CHST5: variants seen among roughly 807,000 people sequenced by gnomAD.
CHST5 encodes the protein GST4-alpha.
For missense variants in CHST5, 637 were observed against 602.1 expected, an observed-to-expected ratio of 1.06 and a Z score of -0.61; for synonymous variants, 313 against 279.2, an observed-to-expected ratio of 1.12 and a Z score of -1.21.
chr16:75,529,471 T>C lies in CHST5; in HGVS notation c.914A>G (p.Glu305Gly), dbSNP rs746942839. ...FEDLAREPLA[E>G]IRALYAFTGL... ...GGTGAAGGCGTAGAGTGCGCGGATC[T>C]CTGCCAGCGGCTCCCGCGCCAGGTC... Residue 305 changes from glutamate (E) to glycine (G), a missense_variant, in exon 4 of 4, where the codon GAG becomes GGG. Glu to Gly is a moderately conservative substitution (Grantham distance 98, BLOSUM62 -2). Coordinates refer to ENST00000336257, the MANE Select transcript of CHST5 (RefSeq NM_024533.5). 1.9e-6 allele frequency: 3 copies of C among 1,612,504 alleles called. No individual in the cohort carries two copies. The East Asian group carries it at 6.7e-5, about 36-fold the overall frequency.
In CHST5 at chr16:75,530,585, T is replaced by C. The variant is rs1199438148; in HGVS notation, c.-201A>G. 2.3e-5 allele frequency: 33 copies of C among 1,424,112 alleles called. No individual in the cohort carries two copies. The highest frequency in any genetic ancestry group is 2.6e-4 in the Middle Eastern group (1 of 3,860). The allele number at this position is 1,424,112 out of a possible 1,614,324, so 88.2% of individuals were successfully genotyped here. On this transcript the variant is annotated 5_prime_UTR_variant, in exon 4 of 4. Coordinates refer to ENST00000336257, the MANE Select transcript of CHST5 (RefSeq NM_024533.5). The stretch of plus-strand genomic sequence containing the variant: ...TAATGTGGGATATCATCAAACTGTC[T>C]ACCTACCCACCCACCCACCTACTTA...
chr16:75,534,167 G>A (rs1018215509), intron 2 of CHST5, among the ~76,000 whole-genome samples: 7 of 151,964 alleles, frequency 4.6e-5, no homozygotes, highest in Admixed American at 4.6e-4. Context: ...TGGCCAACAT[G>A]GTGAAACCCC....
Position 75,530,858 on chromosome 16 carries a change from C to A in CHST5, c.-474G>T. The A allele has an allele frequency of 1.0e-6, 1 of 995,440 alleles. No homozygotes were observed. The highest frequency in any genetic ancestry group is 1.2e-6 in the Non-Finnish European group (1 of 824,642). The allele number at this position is 995,440 out of a possible 1,614,324, so 61.7% of individuals were successfully genotyped here. On this transcript the variant is annotated 5_prime_UTR_variant, in exon 4 of 4. Coordinates refer to ENST00000336257, the MANE Select transcript of CHST5 (RefSeq NM_024533.5). ...TCTCTCTGTGACGGATCACTTTACCCGTGTGTGAAAGAGGGATAATTCCGG... is the reference window on the plus strand; with the variant it reads ...TCTCTCTGTGACGGATCACTTTACCAGTGTGTGAAAGAGGGATAATTCCGG...
At chr16:75,535,549 A>C (rs898995896) in intron 1 of CHST5, among the ~76,000 whole-genome samples, 140 bp from the exon 2 acceptor site, 1 of 152,206 alleles carries the variant, frequency 6.6e-6, no homozygotes, top group African/African-American at 2.4e-5. Context: ...CGCGCCGGCC[A>C]ACAACCCTCG....
At chr16:75,532,506 G>T (rs2080532054) in intron 3 of CHST5, among the ~76,000 whole-genome samples, 1 of 152,144 alleles carries the variant, frequency 6.6e-6, no homozygotes, top group East Asian at 1.9e-4. Flanking sequence ...AGAAGCCAGG[G>T]TCTAACTTGT....
In CHST5 at chr16:75,529,626, CTTGCCG is replaced by C; in HGVS notation, c.753_758del (p.Asn251_Gly252del). ...GCAGGTGAGGGTCGGCCTCCACCCA[CTTGCCG>C]TTGGTGCCCAGCACGATGCCGTTGT... is the stretch of plus-strand genomic sequence containing the variant. On this transcript the variant is annotated inframe_deletion, in exon 4 of 4. Transcript: ENST00000336257. 6.2e-7 allele frequency: 1 copy of C among 1,611,204 alleles called. No homozygotes were observed. The highest frequency in any genetic ancestry group is 2.2e-5 in the East Asian group (1 of 44,818).
chr16:75,533,006 C>G (rs1443605766), intron 3 of CHST5, 83 bp downstream of exon 3: 5 of 636,706 alleles, frequency 7.9e-6, no homozygotes, highest in Admixed American at 2.4e-5. Flanking sequence ...CCCTGCTGCT[C>G]TGGCCCAAAC....
intron 1 of CHST5, among the ~76,000 whole-genome samples, 105 bp downstream of exon 1, chr16:75,535,939 A>C (rs2080558343): frequency 6.6e-6 from 1 of 152,190 alleles, no homozygotes; most frequent in South Asian, 2.1e-4. Flanking sequence ...GTCGAATCTT[A>C]ATCTTGGCCC....
rs2080503770 is a variant in CHST5 at position 75,530,165 on chromosome 16, C to A, written c.220G>T (p.Gly74Cys). Residue 74 changes from glycine to cysteine, a missense_variant, in exon 4 of 4, where the codon GGC (glycine) becomes TGC (cysteine). By Grantham distance (159) the Gly-to-Cys change is radical. Coordinates refer to ENST00000336257, the MANE Select transcript of CHST5 (RefSeq NM_024533.5). ...HVLVLSSWRS[G>C]SSFLGQLFSQ... ...AAGAGCTGGCCCAAGAAGGATGAGCCCGAGCGCCACGAGGACAGCACCAGC... is the reference window on the plus strand; with the variant it reads ...AAGAGCTGGCCCAAGAAGGATGAGCACGAGCGCCACGAGGACAGCACCAGC... 6.2e-7 allele frequency: 1 copy of A among 1,613,598 alleles called. No individual in the cohort carries two copies.
At chr16:75,534,726 T>G (rs746411427) in intron 2 of CHST5, among the ~76,000 whole-genome samples, 2 of 152,188 alleles carry the variant, frequency 1.3e-5, no homozygotes, top group African/African-American at 2.4e-5. Flanking sequence ...TCCTAAAGCC[T>G]AACATCAAGG....
chr16:75,531,389 C>A lies in CHST5; in HGVS notation c.-1005G>T. 4 of 1,068,948 alleles carry A rather than the reference C, an allele frequency of 3.7e-6. No homozygotes were observed. Among genetic ancestry groups the A allele is most frequent in the Admixed American group, 5.1e-5 (1 of 19,598 alleles). 66.2% of individuals were successfully genotyped at this position (1,068,948 alleles called of 1,614,324 possible). ...AAGATAAACAAGTAAATAAAGTGGA[C>A]AAAGAACAGCAACTGTTGTCATCAC... is the stretch of plus-strand genomic sequence containing the variant. On this transcript the variant is annotated 5_prime_UTR_variant, in exon 4 of 4. Transcript: ENST00000336257.
rs1383145091 is a variant in CHST5, at chr16:75,530,223, T to A, written c.162A>T (p.Ser54=). Residue 54 remains serine (S), a synonymous_variant, in exon 4 of 4, where the codon TCA becomes TCT. Transcript: ENST00000336257. The part of the protein sequence containing the change: ...LLFIISRPGP[S]SPAGGEDRVH... ...CACGATCCTCGCCGCCGGCTGGGGA[T>A]GAGGGCCCTGGCCGGGAGATGATGA... 1 of 1,613,644 alleles carries A rather than the reference T, an allele frequency of 6.2e-7. No homozygotes were observed. The highest frequency in any genetic ancestry group is 2.2e-5 in the East Asian group (1 of 44,868).
chr16:75,530,432 T>G lies in CHST5; in HGVS notation c.-48A>C. The G allele has an allele frequency of 6.8e-7, 1 of 1,473,284 alleles. No individual in the cohort carries two copies. Among genetic ancestry groups the G allele is most frequent in the Non-Finnish European group, 9.0e-7 (1 of 1,109,522 alleles). The allele number at this position is 1,473,284 out of a possible 1,614,324, so 91.3% of individuals were successfully genotyped here. A position where few individuals can be genotyped will look rare whatever the true frequency, so the allele number is the denominator to read the frequency against. On this transcript the variant is annotated 5_prime_UTR_variant, in exon 4 of 4. Coordinates refer to ENST00000336257, the MANE Select transcript of CHST5 (RefSeq NM_024533.5). ...GTGCCCTCAGGGATCAGCCCTCAGATTCGGCTACCCTACCCATTGGACTTC... is the reference window on the plus strand; with the variant it reads ...GTGCCCTCAGGGATCAGCCCTCAGAGTCGGCTACCCTACCCATTGGACTTC...
In CHST5 at chr16:75,531,413, A is replaced by G; in HGVS notation, c.-1029T>C. On this transcript the variant is annotated 5_prime_UTR_variant, in exon 4 of 4. Coordinates refer to ENST00000336257, the MANE Select transcript of CHST5 (RefSeq NM_024533.5). ...ACAAAGAACAGCAACTGTTGTCATC[A>G]CTGGTGGGGAGTGAAGTGCTGTAGG... is the stretch of plus-strand genomic sequence containing the variant. 1 of 1,145,252 alleles carries G rather than the reference A, an allele frequency of 8.7e-7. No homozygotes were observed. Among genetic ancestry groups the G allele is most frequent in the Non-Finnish European group, 1.1e-6 (1 of 909,266 alleles). The allele number at this position is 1,145,252 out of a possible 1,614,324, so 70.9% of individuals were successfully genotyped here. A position where few individuals can be genotyped will look rare whatever the true frequency, so the allele number is the denominator to read the frequency against.
At chr16:75,533,508 C>A (rs1049997717) in intron 2 of CHST5, among the ~76,000 whole-genome samples, 1 of 152,126 alleles carries the variant, frequency 6.6e-6, no homozygotes, top group Non-Finnish European at 1.5e-5. Flanking sequence ...TGTCCCCTTC[C>A]CCTCTAAATT....
chr16:75,535,833 T>C (rs1313825905), intron 1 of CHST5, among the ~76,000 whole-genome samples: 2 of 152,228 alleles, frequency 1.3e-5, no homozygotes, highest in Non-Finnish European at 2.9e-5. Context: ...ACTTCTCATC[T>C]AACTGACCAC....
rs2080510676 is a variant in CHST5 at position 75,530,578 on chromosome 16, A to T, written c.-194T>A. On this transcript the variant is annotated 5_prime_UTR_variant, in exon 4 of 4. In the 5' UTR this introduces an upstream ATG that the reference lacks. Transcript: ENST00000336257. ...TGCAGAATAATGTGGGATATCATCAAACTGTCTACCTACCCACCCACCCAC... is the reference window on the plus strand; with the variant it reads ...TGCAGAATAATGTGGGATATCATCATACTGTCTACCTACCCACCCACCCAC... 1.4e-6 allele frequency: 2 copies of T among 1,430,114 alleles called. No homozygotes were observed. The highest frequency in any genetic ancestry group is 5.1e-5 in the East Asian group (2 of 39,256). The allele number at this position is 1,430,114 out of a possible 1,614,324, so 88.6% of individuals were successfully genotyped here. A position where few individuals can be genotyped will look rare whatever the true frequency, so the allele number is the denominator to read the frequency against.
intron 3 of CHST5, among the ~76,000 whole-genome samples, chr16:75,532,810 C>A (rs2080534591): frequency 6.6e-6 from 1 of 152,256 alleles, no homozygotes; most frequent in Admixed American, 6.5e-5. Context: ...TTCGAGTCCA[C>A]TGGATAACTT....
chr16:75,530,333 G>C lies in CHST5; in HGVS notation c.52C>G (p.Pro18Ala), dbSNP rs763494808. The stretch of plus-strand genomic sequence containing the variant: ...CGTGGCAGCCACATGCGGGCGGCTG[G>C]GGGCCTTCGGGTGGAGTGGGCAACT... ...PKVAHSTRRP[P>A]AARMWLPRFS... is the part of the protein sequence containing the mutation. Residue 18 changes from proline (P) to alanine (A), a missense_variant, in exon 4 of 4, where the codon CCA (proline) becomes GCA (alanine). By Grantham distance (27) the Pro-to-Ala change is conservative. Transcript: ENST00000336257. The C allele has an allele frequency of 3.8e-6, 6 of 1,592,784 alleles. No individual in the cohort carries two copies. The African/African-American group carries it at 6.7e-5, about 18-fold the overall frequency.
Sources: allele counts gnomAD v4.1 joint callset (sites outside exome capture counted in the v4.1 genomes callset), GRCh38; gene constraint gnomAD v4.1.1; transcripts MANE v1.5; gene names NCBI Gene and HGNC (gene_info 2026-07-23, HGNC 2026-07-21).